ERMP1: variants seen among roughly 807,000 people sequenced by gnomAD.
ERMP1 encodes the protein Felix-ina.
A neutral mutation model predicts 92.0 loss-of-function variants in ERMP1; 86 were observed. That is an observed-to-expected ratio of 0.93 (90% CI 0.79 to 1.12). The LOEUF is 1.12. Among genes scored for constraint, ERMP1 ranks in the 50% most tolerant of loss-of-function variants. The probability of loss-of-function intolerance (pLI) is 0.00; values close to 1 mark genes in which losing one functional copy is unlikely to be tolerated. For missense variants in ERMP1, 1,342 were observed against 1,116.3 expected, an observed-to-expected ratio of 1.20 and a Z score of -2.88; for synonymous variants, 530 against 412.8, an observed-to-expected ratio of 1.28 and a Z score of -3.44.
intron 4 of ERMP1, among the ~76,000 whole-genome samples, chr9:5,819,931 T>A (rs780205423): frequency 1.3e-5 from 2 of 152,138 alleles, no homozygotes; most frequent in Non-Finnish European, 2.9e-5. Flanking sequence ...CTAAAATTGA[T>A]TATGATGATG....
chr9:5,796,710 T>TA, intron 13 of ERMP1, among the ~76,000 whole-genome samples: 1 of 152,068 alleles, frequency 6.6e-6, no homozygotes, highest in East Asian at 1.9e-4. Flanking sequence ...CAATGGTTGC[T>TA]AAGGAGAGTG....
At chr9:5,833,705 T>C (rs1199492901), upstream of ERMP1, among the ~76,000 whole-genome samples, 2 of 152,240 alleles carry the variant, frequency 1.3e-5, no homozygotes, top group Non-Finnish European at 2.9e-5. Flanking sequence ...GGAAATATCT[T>C]TGTTCCCATT....
At chr9:5,798,679 T>C (rs905693753) in intron 12 of ERMP1, 127 bp downstream of exon 12, 8 of 571,334 alleles carry the variant, frequency 1.4e-5, no homozygotes, top group Admixed American at 1.4e-4. Context: ...TTCATAATGA[T>C]AGAAAAAATA....
chr9:5,819,329 A>G (rs1421148000), intron 4 of ERMP1, among the ~76,000 whole-genome samples: 1 of 152,158 alleles, frequency 6.6e-6, no homozygotes, highest in East Asian at 1.9e-4. Flanking sequence ...AAAAACTCCG[A>G]TAACGGAGCC....
At chr9:5,793,282 ATAG>A (rs1382415110) in intron 13 of ERMP1, among the ~76,000 whole-genome samples, 1 of 151,182 alleles carries the variant, frequency 6.6e-6, no homozygotes, top group African/African-American at 2.4e-5. Context: ...TAAAAAAAAA[ATAG>A]TAGTGTAACT....
At chr9:5,828,423 A>G (rs1016631446) in intron 2 of ERMP1, among the ~76,000 whole-genome samples, 2 of 152,234 alleles carry the variant, frequency 1.3e-5, no homozygotes, top group African/African-American at 4.8e-5. Flanking sequence ...CAGGAAGTAC[A>G]AAGGTTGATC....
intron 6 of ERMP1, among the ~76,000 whole-genome samples, chr9:5,851,440 A>G (rs1830306014): frequency 6.6e-6 from 1 of 152,220 alleles, no homozygotes; most frequent in African/African-American, 2.4e-5. Context: ...TGGGTCAGAC[A>G]GAGAAAAAGA....
At chr9:5,825,773 A>C (rs1829708569) in intron 2 of ERMP1, among the ~76,000 whole-genome samples, 1 of 152,226 alleles carries the variant, frequency 6.6e-6, no homozygotes, top group South Asian at 2.1e-4. Context: ...TACCTAATCT[A>C]GTAAGTCACA....
chr9:5,821,603 T>C (rs1021339454), intron 4 of ERMP1, among the ~76,000 whole-genome samples: 1 of 152,184 alleles, frequency 6.6e-6, no homozygotes, highest in Admixed American at 6.5e-5. Context: ...ACTACACATA[T>C]GTAAAATATG....
At chr9:5,794,570 TATA>T (rs1227948370) in intron 13 of ERMP1, among the ~76,000 whole-genome samples, 1 of 152,048 alleles carries the variant, frequency 6.6e-6, no homozygotes, top group East Asian at 1.9e-4. Flanking sequence ...GGGACATCAT[TATA>T]GATCCCATGA....
chr9:5,823,492 G>C (rs1004642185), intron 4 of ERMP1, among the ~76,000 whole-genome samples: 10 of 152,046 alleles, frequency 6.6e-5, no homozygotes, highest in African/African-American at 2.4e-4. Flanking sequence ...TCCAATTAGA[G>C]GTTAAGAACA....
At chr9:5,858,670 G>C (rs1285257205) in intron 6 of ERMP1, among the ~76,000 whole-genome samples, 1 of 152,164 alleles carries the variant, frequency 6.6e-6, no homozygotes, top group African/African-American at 2.4e-5. Context: ...TAAAAGTGTG[G>C]GGCAAGTGGG....
At position 5,801,054 on chromosome 9, in the gene ERMP1, GGTGA is replaced by G. The variant is rs1200678425; in HGVS notation, c.2067+118_2067+121del. The G allele has an allele frequency of 1.1e-5, 10 of 940,146 alleles. No individual in the cohort carries two copies. In the East Asian group the frequency reaches 1.8e-4, roughly 17 times the overall value. The allele number at this position is 940,146 out of a possible 1,614,324, so 58.2% of individuals were successfully genotyped here. ...TCCTCACTGCCTTACACACAAAAAAGGTGAGTATGACTAAATAGGTCAACAGCAG... is the reference window on the plus strand; with the variant it reads ...TCCTCACTGCCTTACACACAAAAAAGGTATGACTAAATAGGTCAACAGCAG... On this transcript the variant is annotated intron_variant, in intron 11 of 14. Coordinates refer to ENST00000339450, the MANE Select transcript of ERMP1 (RefSeq NM_024896.3).
At chr9:5,806,965 C>G (rs914690071) in intron 8 of ERMP1, among the ~76,000 whole-genome samples, 1 of 152,138 alleles carries the variant, frequency 6.6e-6, no homozygotes, top group Non-Finnish European at 1.5e-5. Flanking sequence ...TAGGCTACAG[C>G]TGCTAAATAC....
At chr9:5,791,215 T>C (rs1828183417) in intron 13 of ERMP1, 1 of 456,726 alleles carries the variant, frequency 2.2e-6, no homozygotes, top group Non-Finnish European at 4.4e-6. Flanking sequence ...TTGAGATTTA[T>C]TTTAAGGAAC....
At chr9:5,832,492 C>T (rs13283563) in intron 1 of ERMP1, 198 bp downstream of exon 1, 8,747 of 479,052 alleles carry the variant, frequency 0.018, 108 homozygotes, top group Middle Eastern at 0.023. Context: ...TAACCGGGGA[C>T]AGGCAAGCCC....
In ERMP1 at chr9:5,830,728, T is replaced by G; in HGVS notation, c.639A>C (p.Pro213=). 6.2e-7 allele frequency: 1 copy of G among 1,609,810 alleles called. No individual in the cohort carries two copies. The change falls in exon 2 of 15, where the codon CCA becomes CCC. Residue 213 remains proline (P), a splice_region_variant and synonymous_variant. Coordinates refer to ENST00000339450, the MANE Select transcript of ERMP1 (RefSeq NM_024896.3). ...AATGACTAAAAAACAGGTACATACC[T>G]GGTGAGTTTGCTACTGAGTCAAAAT... ...NCHFDSVANS[P]GASDDAVSCS...
chr9:5,866,417 A>G (rs1053577775), intron 5 of ERMP1, among the ~76,000 whole-genome samples: 1 of 152,206 alleles, frequency 6.6e-6, no homozygotes, highest in African/African-American at 2.4e-5. Flanking sequence ...GGATATATAC[A>G]AACAGAGCTG....
chr9:5,787,007 G>C lies in ERMP1; in HGVS notation c.*137C>G, dbSNP rs977617767. 4 of 860,304 alleles carry C rather than the reference G, an allele frequency of 4.6e-6. No individual in the cohort carries two copies. Among genetic ancestry groups the C allele is most frequent in the South Asian group, 3.6e-5 (2 of 55,242 alleles). The allele number at this position is 860,304 out of a possible 1,614,324, so 53.3% of individuals were successfully genotyped here. ...CCCTTATAGTGCTTGGCCCTGAAAA[G>C]CGTTAACCCAGAAAGCTCTTTGAAC... On this transcript the variant is annotated 3_prime_UTR_variant, in exon 15 of 15. Coordinates refer to ENST00000339450, the MANE Select transcript of ERMP1 (RefSeq NM_024896.3).
Sources: allele counts gnomAD v4.1 joint callset (sites outside exome capture counted in the v4.1 genomes callset), GRCh38; gene constraint gnomAD v4.1.1; transcripts MANE v1.5; gene names NCBI Gene and HGNC (gene_info 2026-07-23, HGNC 2026-07-21).